PRKRIP1: variants seen among roughly 807,000 people sequenced by gnomAD.
The protein encoded by PRKRIP1 is PRKR-interacting protein 1.
In PRKRIP1, 29 loss-of-function variants were observed where a neutral mutation model predicts 29.3. The ratio of observed to expected loss-of-function variants is 0.99; its 90% CI spans 0.74 to 1.35. PRKRIP1 has a LOEUF of 1.35. PRKRIP1 is among the 40% of genes most tolerant of loss of function. The probability of loss-of-function intolerance (pLI) is 0.00; values close to 1 mark genes in which losing one functional copy is unlikely to be tolerated. For synonymous variants in PRKRIP1, 90 were observed against 85.1 expected (o/e 1.06, Z -0.32); for missense variants, 247 against 236.8 (o/e 1.04, Z -0.28).
chr7:102,425,894 C>T lies in PRKRIP1; in HGVS notation c.*783C>T, dbSNP rs1325349455. The T allele has an allele frequency of 2.0e-5, 3 of 153,570 alleles. No individual in the cohort carries two copies. Among genetic ancestry groups the T allele is most frequent in the South Asian group, 1.9e-4 (1 of 5,174 alleles). The allele number at this position is 153,570 out of a possible 1,614,324, so 9.5% of individuals were successfully genotyped here. Reference sequence around the variant, plus strand: ...CTCACCAACAGCTGTGATTTCATCCCGAAGTGGAAGGGGGTCTAAACAGAA... The same window carrying T: ...CTCACCAACAGCTGTGATTTCATCCTGAAGTGGAAGGGGGTCTAAACAGAA... On this transcript the variant is annotated 3_prime_UTR_variant, in exon 6 of 6. Transcript: ENST00000397912.
intron 5 of PRKRIP1, among the ~76,000 whole-genome samples, chr7:102,408,254 C>A (rs1222643872): frequency 6.6e-6 from 1 of 151,906 alleles, no homozygotes; most frequent in Admixed American, 6.6e-5. Flanking sequence ...TCCAGAAGTG[C>A]CCAGAAGACA....
chr7:102,421,260 G>T (rs1554573702), intron 5 of PRKRIP1, among the ~76,000 whole-genome samples: 1 of 152,182 alleles, frequency 6.6e-6, no homozygotes, highest in East Asian at 1.9e-4. Flanking sequence ...ATTGAAAAAT[G>T]AGGCTGGGCA....
intron 3 of PRKRIP1, among the ~76,000 whole-genome samples, chr7:102,402,501 C>T (rs1236085069): frequency 1.3e-5 from 2 of 152,010 alleles, no homozygotes; most frequent in East Asian, 3.8e-4. Context: ...AAACTACTAT[C>T]AGAAGAAACA....
intron 4 of PRKRIP1, among the ~76,000 whole-genome samples, chr7:102,404,929 A>ATT (rs551196590): frequency 4.2e-5 from 6 of 142,632 alleles, no homozygotes; most frequent in Non-Finnish European, 7.7e-5. Flanking sequence ...TCAGGTCTGT[A>ATT]TTTTTTTTTT....
intron 4 of PRKRIP1, 113 bp from the exon 5 acceptor site, chr7:102,407,321 T>C (rs1383530835): frequency 6.3e-6 from 4 of 638,194 alleles, no homozygotes; most frequent in Non-Finnish European, 1.1e-5. Context: ...ATTTTGTTAT[T>C]GTAATGTTTG....
At chr7:102,420,603 C>G (rs934643676) in intron 5 of PRKRIP1, among the ~76,000 whole-genome samples, 1 of 152,104 alleles carries the variant, frequency 6.6e-6, no homozygotes, top group Admixed American at 6.6e-5. Context: ...TGTCTGTGCC[C>G]CCGGTTTCTG....
intron 5 of PRKRIP1, among the ~76,000 whole-genome samples, chr7:102,408,990 G>A (rs896490358): frequency 3.3e-5 from 5 of 151,956 alleles, no homozygotes; most frequent in Admixed American, 1.3e-4. Flanking sequence ...CCTGGCCAAC[G>A]TGGTGAAACC....
intron 5 of PRKRIP1, among the ~76,000 whole-genome samples, chr7:102,420,780 C>T (rs1703433637): frequency 6.6e-6 from 1 of 152,158 alleles, no homozygotes; most frequent in Non-Finnish European, 1.5e-5. Context: ...ACTGACATGA[C>T]GCTCCAAGTA....
intron 5 of PRKRIP1, among the ~76,000 whole-genome samples, chr7:102,411,981 C>T (rs147527573): frequency 0.013 from 1,926 of 152,062 alleles, 45 homozygotes; most frequent in African/African-American, 0.044. Flanking sequence ...CTCGCTCTGT[C>T]GCCCAGGCTG....
intron 5 of PRKRIP1, among the ~76,000 whole-genome samples, chr7:102,411,112 A>G (rs1478581184): frequency 2.6e-5 from 4 of 151,958 alleles, no homozygotes; most frequent in East Asian, 3.9e-4. Context: ...ATTTTTTTGT[A>G]GAGATGGGGT....
At chr7:102,422,914 C>CGG in intron 5 of PRKRIP1, 1 of 174,550 alleles carries the variant, frequency 5.7e-6, no homozygotes, top group Admixed American at 9.1e-5. Flanking sequence ...ATTCCAAAGT[C>CGG]TGGAAACATC....
intron 3 of PRKRIP1, among the ~76,000 whole-genome samples, chr7:102,400,211 G>A (rs1796026984): frequency 6.6e-6 from 1 of 152,014 alleles, no homozygotes; most frequent in South Asian, 2.1e-4. Context: ...TTAGGAGGCT[G>A]AGGCAGGAGA....
intron 5 of PRKRIP1, among the ~76,000 whole-genome samples, chr7:102,422,551 A>AG (rs1398271809): frequency 1.3e-5 from 2 of 152,006 alleles, no homozygotes; most frequent in Non-Finnish European, 2.9e-5. Context: ...CATGTTGGCC[A>AG]GGCTGGTTTT....
At chr7:102,406,870 CA>C (rs113919351) in intron 4 of PRKRIP1, among the ~76,000 whole-genome samples, 11,225 of 97,560 alleles carry the variant, frequency 0.12, 416 homozygotes, top group African/African-American at 0.15. Flanking sequence ...AAGTCATTAG[CA>C]AAAAAAAAAA....
At chr7:102,398,981 G>A (rs1320363113) in intron 2 of PRKRIP1, among the ~76,000 whole-genome samples, 1 of 152,086 alleles carries the variant, frequency 6.6e-6, no homozygotes, top group Non-Finnish European at 1.5e-5. Flanking sequence ...AATTAGCCAG[G>A]CATAGTGGTG....
At chr7:102,399,168 A>G (rs1411143398) in intron 2 of PRKRIP1, among the ~76,000 whole-genome samples, 2 of 152,178 alleles carry the variant, frequency 1.3e-5, no homozygotes, top group Admixed American at 6.6e-5. Context: ...CAAAAATATG[A>G]TTGTTCTACA....
At chr7:102,403,355 G>A (rs907646285) in intron 3 of PRKRIP1, among the ~76,000 whole-genome samples, 1 of 152,208 alleles carries the variant, frequency 6.6e-6, no homozygotes, top group Non-Finnish European at 1.5e-5. Context: ...TACAGCCCTG[G>A]CGGTGCAGAC....
intron 5 of PRKRIP1, among the ~76,000 whole-genome samples, chr7:102,418,866 TA>T (rs1381726952): frequency 1.8e-4 from 27 of 150,386 alleles, no homozygotes; most frequent in Non-Finnish European, 3.0e-4. Context: ...TTTTAATGTT[TA>T]AAAAAAAAAT....
In PRKRIP1 at chr7:102,396,511, A is replaced by C; in HGVS notation, c.100A>C (p.Lys34Gln). 2 of 1,609,526 alleles carry C rather than the reference A, an allele frequency of 1.2e-6. No homozygotes were observed. Among genetic ancestry groups the C allele is most frequent in the Non-Finnish European group, 1.7e-6 (2 of 1,178,748 alleles). Residue 34 changes from lysine (K) to glutamine (Q), a missense_variant, in exon 1 of 6, where the codon AAG becomes CAG. By Grantham distance (53) the Lys-to-Gln change is moderately conservative. Around this residue, in one of 3 missense-constraint regions of PRKRIP1, gnomAD observed 105 missense variants for 80.2 expected, o/e 1.31. Coordinates refer to ENST00000397912, the MANE Select transcript of PRKRIP1 (RefSeq NM_024653.4). ...GAATGCGGCGGAGGAGCAGAAGCTCAAGCTGGAGCGGCTCATGAAGAACCC... is the reference window on the plus strand; with the variant it reads ...GAATGCGGCGGAGGAGCAGAAGCTCCAGCTGGAGCGGCTCATGAAGAACCC... ...PKNAAEEQKL[K>Q]LERLMKNPDK...
Sources: allele counts gnomAD v4.1 joint callset (sites outside exome capture counted in the v4.1 genomes callset), GRCh38; gene constraint gnomAD v4.1.1; regional missense constraint gnomAD v4.1.1; transcripts MANE v1.5; gene names NCBI Gene and HGNC (gene_info 2026-07-23, HGNC 2026-07-21).